Variants in PRKG1 observed in about 807,000 individuals in gnomAD.
The protein encoded by PRKG1 is cGMP-dependent protein kinase 1.
In PRKG1, 35 loss-of-function variants were observed where a neutral mutation model predicts 88.1. The ratio of observed to expected loss-of-function variants is 0.40; its 90% CI spans 0.30 to 0.53. The LOEUF is 0.53. Among genes scored for constraint, PRKG1 ranks in the 20% least tolerant of loss-of-function variants. The probability of loss-of-function intolerance (pLI) is 0.59; values close to 1 mark genes in which losing one functional copy is unlikely to be tolerated. For synonymous variants in PRKG1, 303 were observed against 292.5 expected (o/e 1.04, Z -0.37); for missense variants, 540 against 839.8 (o/e 0.64, Z 4.41).
intron 9 of PRKG1, among the ~76,000 whole-genome samples, chr10:52,213,986 GTA>G (rs1840048493): frequency 6.6e-6 from 1 of 152,086 alleles, no homozygotes; most frequent in South Asian, 2.1e-4. Flanking sequence ...AAAATAAAAT[GTA>G]TATGTTTCAA....
At chr10:51,826,199 A>G (rs1255568453) in intron 4 of PRKG1, among the ~76,000 whole-genome samples, 1 of 152,180 alleles carries the variant, frequency 6.6e-6, no homozygotes, top group Non-Finnish European at 1.5e-5. Flanking sequence ...TGGATAAGAT[A>G]GAACAATTTA....
intron 7 of PRKG1, among the ~76,000 whole-genome samples, chr10:52,072,639 A>G (rs1361203109): frequency 6.6e-6 from 1 of 152,198 alleles, no homozygotes; most frequent in Non-Finnish European, 1.5e-5. Context: ...TGTGTTTATC[A>G]AACCAGAAAT....
chr10:51,271,524 A>C (rs1217359344), intron 2 of PRKG1, among the ~76,000 whole-genome samples: 2 of 152,184 alleles, frequency 1.3e-5, no homozygotes, highest in African/African-American at 4.8e-5. Flanking sequence ...TGAGCCTTTA[A>C]AGTAATTTAA....
intron 10 of PRKG1, among the ~76,000 whole-genome samples, chr10:52,269,319 C>G (rs947139067): frequency 1.3e-5 from 2 of 152,042 alleles, no homozygotes; most frequent in Non-Finnish European, 2.9e-5. Context: ...TGAGTTACTA[C>G]TGAATTTATT....
chr10:51,077,969 G>A (rs750104133), intron 1 of PRKG1, among the ~76,000 whole-genome samples: 1 of 152,134 alleles, frequency 6.6e-6, no homozygotes. Context: ...ATGGACTTAA[G>A]TAATTTTATT....
At chr10:51,725,042 G>C (rs959613883) in intron 3 of PRKG1, among the ~76,000 whole-genome samples, 36 of 152,004 alleles carry the variant, frequency 2.4e-4, no homozygotes, top group African/African-American at 8.5e-4. Flanking sequence ...AAAAAATCAA[G>C]CACTTTATAA....
intron 3 of PRKG1, among the ~76,000 whole-genome samples, chr10:51,511,326 A>G (rs1343321901): frequency 6.6e-6 from 1 of 152,150 alleles, no homozygotes; most frequent in East Asian, 1.9e-4. Context: ...AACACAACTT[A>G]AAGGAAAGAC....
At chr10:52,158,512 T>C (rs979986721) in intron 8 of PRKG1, among the ~76,000 whole-genome samples, 6 of 151,662 alleles carry the variant, frequency 4.0e-5, no homozygotes, top group African/African-American at 1.4e-4. Context: ...ATAAATTCTA[T>C]AACACCATCA....
chr10:51,066,017 C>T (rs922730699), intron 1 of PRKG1, among the ~76,000 whole-genome samples: 2 of 151,614 alleles, frequency 1.3e-5, no homozygotes, highest in African/African-American at 2.4e-5. Context: ...AGATGAGAGG[C>T]GGTAATGGGG....
chr10:51,516,870 G>A (rs1841601101), intron 3 of PRKG1, among the ~76,000 whole-genome samples: 1 of 152,136 alleles, frequency 6.6e-6, no homozygotes, highest in Admixed American at 6.5e-5. Flanking sequence ...TTTAGTGGGG[G>A]AGGTAGGCAA....
intron 3 of PRKG1, among the ~76,000 whole-genome samples, chr10:51,797,023 T>C (rs1444056046): frequency 6.6e-6 from 1 of 151,992 alleles, no homozygotes; most frequent in Non-Finnish European, 1.5e-5. Context: ...AAAGTCATTC[T>C]AGGTTGAGGA....
chr10:51,064,756 C>T (rs935996587), intron 1 of PRKG1, among the ~76,000 whole-genome samples: 2 of 152,010 alleles, frequency 1.3e-5, no homozygotes, highest in African/African-American at 4.8e-5. Flanking sequence ...AATTGAACAA[C>T]TATTTAACAT....
chr10:52,218,732 T>G (rs1163593993), intron 9 of PRKG1, among the ~76,000 whole-genome samples: 4 of 152,164 alleles, frequency 2.6e-5, no homozygotes, highest in Non-Finnish European at 5.9e-5. Context: ...TTAGGATACT[T>G]TTTCAAGGTA....
chr10:51,711,160 C>T (rs1841740106), intron 3 of PRKG1, among the ~76,000 whole-genome samples: 2 of 152,132 alleles, frequency 1.3e-5, no homozygotes, highest in Admixed American at 1.3e-4. Context: ...GGCTGGAGTG[C>T]AGTGGTGCAA....
At chr10:52,051,958 C>T (rs1396714578) in intron 5 of PRKG1, among the ~76,000 whole-genome samples, 1 of 143,886 alleles carries the variant, frequency 6.9e-6, no homozygotes, top group African/African-American at 2.7e-5. Context: ...AAGGAAGTAT[C>T]AAGAGTGGGA....
Position 51,139,426 on chromosome 10 carries a change from C to G in PRKG1, c.312-13738C>G, listed in dbSNP as rs181130982. 4.5e-3 allele frequency among the ~76,000 whole-genome samples: 683 copies of G among 152,234 alleles called. 2 individuals are homozygous for G. The highest frequency in any genetic ancestry group is 0.016 in the African/African-American group (648 of 41,536). ...CATTCCTTCTCCTTGAAATGCTTCC[C>G]TCTCACCACCACCCTGATGTCCACT... On this transcript the variant is annotated intron_variant, in intron 1 of 17. Transcript: ENST00000373980.
rs534301305 is a variant in PRKG1 at position 51,406,919 on chromosome 10, A to G, written c.479-60804A>G. Among the ~76,000 whole-genome samples, 4 of 152,314 alleles carry G rather than the reference A, an allele frequency of 2.6e-5. No homozygotes were observed. The East Asian group carries it at 5.8e-4, about 22-fold the overall frequency. ...ATCAGCCGTCTGCAAGCTGACGAGCAAGGAGGACCAGTCCGAGTTCCAAAA... is the reference window on the plus strand; with the variant it reads ...ATCAGCCGTCTGCAAGCTGACGAGCGAGGAGGACCAGTCCGAGTTCCAAAA... On this transcript the variant is annotated intron_variant, in intron 2 of 17. Coordinates refer to ENST00000373980, the MANE Select transcript of PRKG1 (RefSeq NM_006258.4).
rs372151591 is a variant in PRKG1, at chr10:51,156,741, A to G, written c.478+3411A>G. Among the ~76,000 whole-genome samples the G allele has an allele frequency of 5.3e-5, 8 of 152,168 alleles. No individual in the cohort carries two copies. In the South Asian group the frequency reaches 1.7e-3, roughly 32 times the overall value. On this transcript the variant is annotated intron_variant, in intron 2 of 17. Coordinates refer to ENST00000373980, the MANE Select transcript of PRKG1 (RefSeq NM_006258.4). ...ATAATTTAAAATTTAAAAAACGATC[A>G]TTTAAATTTTAAAAAGTTTTAATTG...
rs895760212 is a variant in PRKG1 at position 51,643,013 on chromosome 10, T to C, written c.593-161572T>C. On this transcript the variant is annotated intron_variant, in intron 3 of 17. Coordinates refer to ENST00000373980, the MANE Select transcript of PRKG1 (RefSeq NM_006258.4). ...ACCAGGTTTTTCCCACTTTTTAAAG[T>C]TAATTTATTCTGACAAGAAAGCCCC... 9.9e-5 allele frequency among the ~76,000 whole-genome samples: 15 copies of C among 152,202 alleles called. 1 individual carries two copies. Among genetic ancestry groups the C allele is most frequent in the Admixed American group, 4.6e-4 (7 of 15,276 alleles).
Sources: gnomAD v4.1 joint callset for allele counts (sites outside exome capture counted in the v4.1 genomes callset) on GRCh38, gnomAD v4.1.1 for gene constraint, MANE v1.5 for transcripts, NCBI Gene and HGNC (gene_info 2026-07-23, HGNC 2026-07-21) for gene names.